Variants in ATE1 observed in about 807,000 individuals in gnomAD.
ATE1 encodes arginyltransferase 1.
ATE1 carries 36 observed loss-of-function variants against 70.5 expected under a neutral mutation model. That is an observed-to-expected ratio of 0.51 (90% CI 0.39 to 0.67). The LOEUF is 0.67. ATE1 is among the 30% of genes least tolerant of loss of function. The probability of loss-of-function intolerance (pLI) is 0.00; values close to 1 mark genes in which losing one functional copy is unlikely to be tolerated. For missense variants in ATE1, 593 were observed against 629.5 expected, an observed-to-expected ratio of 0.94 and a Z score of 0.62; for synonymous variants, 232 against 219.3, an observed-to-expected ratio of 1.06 and a Z score of -0.51.
At chr10:121,920,379 G>T (rs868649140) in intron 3 of ATE1, among the ~76,000 whole-genome samples, 1 of 151,694 alleles carries the variant, frequency 6.6e-6, no homozygotes, top group Non-Finnish European at 1.5e-5. Context: ...AAAAAAAAAT[G>T]TAATTTGCCA....
chr10:121,793,323 G>C (rs189458292), intron 10 of ATE1, among the ~76,000 whole-genome samples: 6 of 152,260 alleles, frequency 3.9e-5, no homozygotes, highest in Admixed American at 3.3e-4. Flanking sequence ...GGTTTAAAAT[G>C]GTGAAACACT....
rs1183273544 is a variant in ATE1, at chr10:121,927,977, C to T, written c.-28G>A. The stretch of plus-strand genomic sequence containing the variant: ...CCTCGGCCCCGCGAACGCTCAGCCG[C>T]CCGGCCCCGCGTCGCTAGCGCGGCC... On this transcript the variant is annotated 5_prime_UTR_variant, in exon 1 of 12. Transcript: ENST00000224652. 5 of 1,481,376 alleles carry T rather than the reference C, an allele frequency of 3.4e-6. No homozygotes were observed. The highest frequency in any genetic ancestry group is 2.9e-5 in the East Asian group (1 of 34,396). 91.8% of individuals were successfully genotyped at this position (1,481,376 alleles called of 1,614,324 possible).
chr10:121,879,878 T>C (rs900269955), intron 7 of ATE1, among the ~76,000 whole-genome samples: 4 of 152,162 alleles, frequency 2.6e-5, no homozygotes, highest in African/African-American at 9.7e-5. Context: ...ACATACCATT[T>C]GTGAGGAGCA....
At chr10:121,750,340 A>G (rs1944530075) in intron 11 of ATE1, among the ~76,000 whole-genome samples, 1 of 152,246 alleles carries the variant, frequency 6.6e-6, no homozygotes, top group African/African-American at 2.4e-5. Flanking sequence ...TGTCTTAAAA[A>G]TATGTTCCAA....
intron 6 of ATE1, among the ~76,000 whole-genome samples, chr10:121,900,953 G>C (rs1456651315): frequency 1.3e-5 from 2 of 152,132 alleles, no homozygotes; most frequent in African/African-American, 2.4e-5. Flanking sequence ...ATCCAAATCA[G>C]AGTAGCCAAG....
chr10:121,797,565 C>T (rs1480147948), intron 10 of ATE1, among the ~76,000 whole-genome samples: 1 of 141,446 alleles, frequency 7.1e-6, no homozygotes, highest in Non-Finnish European at 1.5e-5. Flanking sequence ...TCCTCACATA[C>T]CACACTTCCT....
chr10:121,863,586 C>T (rs756786955), intron 8 of ATE1, among the ~76,000 whole-genome samples: 6 of 152,054 alleles, frequency 3.9e-5, no homozygotes, highest in Non-Finnish European at 5.9e-5. Flanking sequence ...TACAGCCACT[C>T]TGACTTAAAA....
At chr10:121,895,708 G>A (rs1950754518) in intron 7 of ATE1, among the ~76,000 whole-genome samples, 1 of 152,034 alleles carries the variant, frequency 6.6e-6, no homozygotes, top group African/African-American at 2.4e-5. Context: ...AGCACTTTAG[G>A]ATTACAGGAG....
At chr10:121,817,006 C>T (rs1034666721) in intron 10 of ATE1, among the ~76,000 whole-genome samples, 17 of 152,122 alleles carry the variant, frequency 1.1e-4, no homozygotes, top group African/African-American at 3.6e-4. Context: ...ACAATTCAAA[C>T]ACAACAGTTT....
At chr10:121,886,294 TA>T (rs34248913) in intron 7 of ATE1, among the ~76,000 whole-genome samples, 15,770 of 145,328 alleles carry the variant, frequency 0.11, 2,492 homozygotes, top group African/African-American at 0.35. Flanking sequence ...ATTGATGATT[TA>T]AAAAAAAAAA....
chr10:121,841,517 A>G (rs190885205), intron 8 of ATE1, among the ~76,000 whole-genome samples: 1 of 152,306 alleles, frequency 6.6e-6, no homozygotes, highest in Admixed American at 6.5e-5. Flanking sequence ...GACAGTAGGA[A>G]ATACAGCATT....
At chr10:121,754,673 A>G (rs566387053) in intron 11 of ATE1, among the ~76,000 whole-genome samples, 26 of 152,350 alleles carry the variant, frequency 1.7e-4, no homozygotes, top group Non-Finnish European at 2.9e-4. Context: ...CAATGGATGT[A>G]AAAACCAGTA....
chr10:121,924,828 CTATA>C (rs942721998), intron 1 of ATE1, among the ~76,000 whole-genome samples: 1 of 149,548 alleles, frequency 6.7e-6, no homozygotes, highest in Non-Finnish European at 1.5e-5. Flanking sequence ...AAGAATGACA[CTATA>C]TATATTTTCA....
intron 10 of ATE1, among the ~76,000 whole-genome samples, chr10:121,807,688 AGAGT>A (rs1386064360): frequency 4.6e-5 from 7 of 152,226 alleles, no homozygotes; most frequent in African/African-American, 1.7e-4. Context: ...AGTAAGCAAA[AGAGT>A]GGGTGAGTGG....
intron 10 of ATE1, among the ~76,000 whole-genome samples, chr10:121,827,115 G>C (rs1948053066): frequency 6.6e-6 from 1 of 151,864 alleles, no homozygotes; most frequent in Non-Finnish European, 1.5e-5. Context: ...CTGGGTTCAA[G>C]CAATTCTCCT....
At chr10:121,926,801 A>T in intron 1 of ATE1, 1 of 985,404 alleles carries the variant, frequency 1.0e-6, no homozygotes, top group Non-Finnish European at 1.2e-6. Flanking sequence ...CGCATAAGCC[A>T]TTTGCATCCT....
At chr10:121,778,105 T>C (rs1184499275) in intron 11 of ATE1, among the ~76,000 whole-genome samples, 2 of 152,238 alleles carry the variant, frequency 1.3e-5, no homozygotes, top group African/African-American at 2.4e-5. Flanking sequence ...GAATCATCTT[T>C]CCTGCAAAGG....
At chr10:121,790,082 T>G in intron 11 of ATE1, 87 bp downstream of exon 11, 2 of 1,564,872 alleles carry the variant, frequency 1.3e-6, no homozygotes, top group Non-Finnish European at 1.7e-6. Context: ...CAAAGCTACC[T>G]GGACCCTGTT....
At chr10:121,803,684 C>T (rs1400169745) in intron 10 of ATE1, among the ~76,000 whole-genome samples, 2 of 152,182 alleles carry the variant, frequency 1.3e-5, no homozygotes, top group Non-Finnish European at 2.9e-5. Context: ...AGTCAGTAAG[C>T]TGTCTCTAAC....
Sources: allele counts gnomAD v4.1 joint callset (sites outside exome capture counted in the v4.1 genomes callset), GRCh38; gene constraint gnomAD v4.1.1; transcripts MANE v1.5; gene names NCBI Gene and HGNC (gene_info 2026-07-23, HGNC 2026-07-21).